Variants in AP2S1 observed in about 807,000 individuals in gnomAD.
AP2S1 encodes AP-2 complex subunit sigma.
In AP2S1, 6 loss-of-function variants were observed where a neutral mutation model predicts 21.0. That is an observed-to-expected ratio of 0.29 (90% CI 0.16 to 0.56). The LOEUF (loss-of-function observed/expected upper bound fraction) is 0.56. AP2S1 is among the 20% of genes least tolerant of loss of function. AP2S1 has a pLI of 0.92. For missense variants in AP2S1, 60 were observed against 186.2 expected, an observed-to-expected ratio of 0.32 and a Z score of 3.95; for synonymous variants, 63 against 74.6, an observed-to-expected ratio of 0.84 and a Z score of 0.80.
chr19:46,842,532 A>G (rs1802350987), intron 2 of AP2S1, among the ~76,000 whole-genome samples: 1 of 152,132 alleles, frequency 6.6e-6, no homozygotes, highest in Admixed American at 6.6e-5. Flanking sequence ...TCCTGGAGGC[A>G]TGGAGGAACT....
rs1296155344 is a variant in AP2S1, at chr19:46,838,269, C to G, written c.*178G>C. 3 of 618,154 alleles carry G rather than the reference C, an allele frequency of 4.9e-6. No individual in the cohort carries two copies. The East Asian group carries it at 8.3e-5, about 17-fold the overall frequency. 38.3% of individuals were successfully genotyped at this position (618,154 alleles called of 1,614,324 possible). ...CGGGACACACACGGTGGCCTCTGCC[C>G]ACAGCCAGGGCCCAGAGGCAGTGGG... is the stretch of plus-strand genomic sequence containing the variant. On this transcript the variant is annotated 3_prime_UTR_variant, in exon 5 of 5. Coordinates refer to ENST00000263270, the MANE Select transcript of AP2S1 (RefSeq NM_004069.6). The surrounding 1 kb of genome is among the most constrained non-coding windows in gnomAD (Gnocchi z 4.1).
At chr19:46,850,656 C>T in intron 1 of AP2S1, 108 bp downstream of exon 1, 1 of 1,089,854 alleles carries the variant, frequency 9.2e-7, no homozygotes, top group Non-Finnish European at 1.4e-6. Flanking sequence ...CGCGCCTGAC[C>T]CAGACCATCC....
Position 46,850,161 on chromosome 19 carries a change from C to T in AP2S1, c.3+603G>A, listed in dbSNP as rs112901778. On this transcript the variant is annotated intron_variant, in intron 1 of 4. Coordinates refer to ENST00000263270, the MANE Select transcript of AP2S1 (RefSeq NM_004069.6). ...CCAGGTCCTCTCTCCTTTTACAGCGCTTTCCCAGACCCTTAAGTTTCATTC... is the reference window on the plus strand; with the variant it reads ...CCAGGTCCTCTCTCCTTTTACAGCGTTTTCCCAGACCCTTAAGTTTCATTC... The T allele has an allele frequency of 6.0e-4, 735 of 1,232,308 alleles. 10 individuals carry two copies. In the African/African-American group the frequency reaches 0.01, roughly 18 times the overall value. The allele number at this position is 1,232,308 out of a possible 1,614,324, so 76.3% of individuals were successfully genotyped here.
chr19:46,839,428 A>ACCCC, intron 3 of AP2S1, 37 bp downstream of exon 3: 1 of 763,394 alleles, frequency 1.3e-6, no homozygotes, highest in South Asian at 1.4e-5. Context: ...AGGGCTGCCC[A>ACCCC]CCCGCCTCCC....
intron 3 of AP2S1, 148 bp downstream of exon 3, chr19:46,839,317 A>G (rs11667096): frequency 3.2e-6 from 2 of 629,452 alleles, no homozygotes; most frequent in Non-Finnish European, 4.9e-6. Context: ...AAAAAAAAAA[A>G]GAAAAAGAAA....
intron 2 of AP2S1, among the ~76,000 whole-genome samples, chr19:46,843,856 C>T (rs1385164731): frequency 1.3e-5 from 2 of 152,088 alleles, no homozygotes; most frequent in Non-Finnish European, 2.9e-5. Context: ...CCACTGTACT[C>T]TAGCCTGGGA....
chr19:46,848,406 G>A (rs2055674300), intron 1 of AP2S1, among the ~76,000 whole-genome samples: 1 of 152,016 alleles, frequency 6.6e-6, no homozygotes, highest in Non-Finnish European at 1.5e-5. Flanking sequence ...AAACATAGAG[G>A]TATAGTACAG....
intron 2 of AP2S1, among the ~76,000 whole-genome samples, chr19:46,844,622 A>AC (rs1306665136): frequency 6.6e-6 from 1 of 151,762 alleles, no homozygotes; most frequent in Non-Finnish European, 1.5e-5. Context: ...ACATGGTGAG[A>AC]CCCCATCGCT....
In AP2S1 at chr19:46,838,201, C is replaced by CA. The variant is rs2055444581; in HGVS notation, c.*245_*246insT. On this transcript the variant is annotated 3_prime_UTR_variant, in exon 5 of 5. Transcript: ENST00000263270. The surrounding 1 kb of genome is among the most constrained non-coding windows in gnomAD (Gnocchi z 4.1). ...GACCACAGGTTTATTGGGGACTCCA[C>CA]GCACAGACGCTTATGGCATCACACG... The CA allele has an allele frequency of 3.6e-6, 2 of 550,364 alleles. No individual in the cohort carries two copies. The highest frequency in any genetic ancestry group is 3.8e-5 in the African/African-American group (2 of 52,734). The allele number at this position is 550,364 out of a possible 1,614,324, so 34.1% of individuals were successfully genotyped here.
intron 2 of AP2S1, among the ~76,000 whole-genome samples, chr19:46,843,926 T>G (rs947133899): frequency 2.6e-5 from 4 of 152,016 alleles, no homozygotes; most frequent in African/African-American, 9.7e-5. Context: ...TTTCTTTTTT[T>G]TTTGAGAGGA....
rs961748148 is a variant in AP2S1 at position 46,846,444 on chromosome 19, T to G, written c.4-302A>C. The stretch of plus-strand genomic sequence containing the variant: ...CCACCACCTCTTATCTCTCTCTGTT[T>G]TTTTTTTTTTTTTTTTTTGTAGAGA... On this transcript the variant is annotated intron_variant, in intron 1 of 4. Transcript: ENST00000263270. 2.5e-3 allele frequency among the ~76,000 whole-genome samples: 360 copies of G among 141,990 alleles called. 4 individuals carry two copies. The highest frequency in any genetic ancestry group is 0.021 in the Admixed American group (306 of 14,392). The allele number at this position is 141,990 out of a possible 152,430, so 93.2% of individuals were successfully genotyped here. A position where few individuals can be genotyped will look rare whatever the true frequency, so the allele number is the denominator to read the frequency against.
chr19:46,850,545 C>A (rs1348219291), intron 1 of AP2S1: 2 of 618,648 alleles, frequency 3.2e-6, no homozygotes, highest in Non-Finnish European at 5.4e-6. Flanking sequence ...GAACACCACC[C>A]CCAATGCCCG....
In AP2S1 at chr19:46,846,104, C is replaced by A. The variant is rs754039002; in HGVS notation, c.42G>T (p.Thr14=). The part of the protein sequence containing the change: ...FILIQNRAGK[T]RLAKWYMQFD... ...ACTGCATGTACCACTTGGCCAGGCG[C>A]GTCTTGCCTGCCCGGTTCTGGATGA... Residue 14 remains threonine (T), a synonymous_variant, in exon 2 of 5, where the codon ACG becomes ACT. Transcript: ENST00000263270. 1.4e-5 allele frequency: 22 copies of A among 1,613,962 alleles called. No homozygotes were observed. The Admixed American group carries it at 1.7e-4, about 12-fold the overall frequency.
chr19:46,844,102 G>T (rs2055576374), intron 2 of AP2S1, among the ~76,000 whole-genome samples: 3 of 151,990 alleles, frequency 2.0e-5, no homozygotes, highest in Admixed American at 2.0e-4. Context: ...GTAGAGACGA[G>T]ATTTCATCAT....
chr19:46,845,810 T>C, intron 2 of AP2S1, 183 bp downstream of exon 2: 1 of 725,212 alleles, frequency 1.4e-6, no homozygotes, highest in Non-Finnish European at 2.2e-6. Context: ...ATGTTTATGA[T>C]TTTTCACAAT....
intron 3 of AP2S1, 73 bp downstream of exon 3, chr19:46,839,392 G>C: frequency 6.4e-7 from 1 of 1,550,852 alleles, no homozygotes. Flanking sequence ...GACCAGGGAG[G>C]GTTCCCAGGC....
At chr19:46,841,206 T>G (rs1354349488) in intron 2 of AP2S1, among the ~76,000 whole-genome samples, 1 of 151,800 alleles carries the variant, frequency 6.6e-6, no homozygotes, top group East Asian at 1.9e-4. Flanking sequence ...CACCTGCCTC[T>G]GCCTCCCAAA....
intron 1 of AP2S1, among the ~76,000 whole-genome samples, chr19:46,847,123 A>C (rs2055650037): frequency 6.6e-6 from 1 of 152,216 alleles, no homozygotes; most frequent in African/African-American, 2.4e-5. Context: ...ACTTTTTATA[A>C]AATTGAAATG....
intron 2 of AP2S1, 159 bp downstream of exon 2, chr19:46,845,829 CAAGTA>C: frequency 2.4e-6 from 2 of 826,388 alleles, no homozygotes; most frequent in Non-Finnish European, 3.7e-6. Flanking sequence ...ATGAAAAGTA[CAAGTA>C]AAGGAAGGGA....
Sources: gnomAD v4.1 joint callset for allele counts (sites outside exome capture counted in the v4.1 genomes callset) on GRCh38, gnomAD v4.1.1 for gene constraint, Gnocchi (gnomAD v3.1) non-coding constraint, MANE v1.5 for transcripts, NCBI Gene and HGNC (gene_info 2026-07-23, HGNC 2026-07-21) for gene names.